The following RSF1 variants were observed in gnomAD, a reference collection of about 807,000 sequenced individuals.
RSF1 encodes the protein remodeling and spacing factor 1.
Under a neutral mutation model 145.2 loss-of-function variants are expected in RSF1, and 13 were observed. The ratio of observed to expected loss-of-function variants is 0.09; its 90% confidence interval spans 0.06 to 0.14. The LOEUF is 0.14. Ranked by LOEUF, RSF1 falls within the 10% of genes least tolerant of loss-of-function variation. The pLI is 1.00. For missense variants in RSF1, 1,517 were observed against 1,718.2 expected (o/e 0.88, Z 2.07); for synonymous variants, 577 against 592.6 (o/e 0.97, Z 0.38).
In RSF1 at chr11:77,701,953, T is replaced by C; in HGVS notation, c.1276A>G (p.Lys426Glu). The change falls in exon 6 of 16, where the codon AAA (lysine) becomes GAA (glutamate). Residue 426 changes from lysine (K) to glutamate (E), a missense_variant. Lys to Glu is a moderately conservative substitution (Grantham distance 56). Transcript: ENST00000308488. Reference sequence around the variant, plus strand: ...AAAGCAGTGATTGTAGAGATCCTTTTACAAGTCTCTTCCTCTTGTTTTATT... The same window carrying C: ...AAAGCAGTGATTGTAGAGATCCTTTCACAAGTCTCTTCCTCTTGTTTTATT... ...DEIKQEEETCKRISTITALGH... is the reference protein window; with the variant it reads ...DEIKQEEETCERISTITALGH... 2 of 1,613,744 alleles carry C rather than the reference T, an allele frequency of 1.2e-6. No individual in the cohort carries two copies. Among genetic ancestry groups the C allele is most frequent in the African/African-American group, 1.3e-5 (1 of 75,030 alleles).
chr11:77,789,148 ATG>A (rs1194703840), intron 1 of RSF1, among the ~76,000 whole-genome samples: 4 of 152,336 alleles, frequency 2.6e-5, no homozygotes, highest in Admixed American at 2.6e-4. Flanking sequence ...AAACTCCCCA[ATG>A]TGTTAAAAGG....
chr11:77,727,716 G>A (rs1961093107), intron 4 of RSF1, among the ~76,000 whole-genome samples: 1 of 152,118 alleles, frequency 6.6e-6, no homozygotes, highest in Non-Finnish European at 1.5e-5. Context: ...CTGACCTCAA[G>A]TGATCTGCCT....
rs1164144920 is a variant in RSF1 at position 77,808,667 on chromosome 11, G to A, written c.187+11861C>T. On this transcript the variant is annotated intron_variant, in intron 1 of 15. Transcript: ENST00000308488. ...TCCTGCCTCAGCCTCCCGAGTAGCTGGGACTACAGGCGCCCGCCACTACGC... is the reference window on the plus strand; with the variant it reads ...TCCTGCCTCAGCCTCCCGAGTAGCTAGGACTACAGGCGCCCGCCACTACGC... Among the ~76,000 whole-genome samples, 2 of 130,084 alleles carry A rather than the reference G, an allele frequency of 1.5e-5. 1 individual carries two copies. The highest frequency in any genetic ancestry group is 6.4e-5 in the African/African-American group (2 of 31,390). The allele number at this position is 130,084 out of a possible 152,430, so 85.3% of individuals were successfully genotyped here. A position where few individuals can be genotyped will look rare whatever the true frequency, so the allele number is the denominator to read the frequency against.
intron 1 of RSF1, among the ~76,000 whole-genome samples, chr11:77,796,064 T>C (rs1180458052): frequency 6.6e-6 from 1 of 152,206 alleles, no homozygotes; most frequent in Admixed American, 6.5e-5. Flanking sequence ...ATCCCCTATA[T>C]CGTTTCTTCT....
In RSF1 at chr11:77,691,323, GCT is replaced by G. The variant is rs1190371164; in HGVS notation, c.2821-87_2821-86del. On this transcript the variant is annotated intron_variant, in intron 8 of 15. Coordinates refer to ENST00000308488, the MANE Select transcript of RSF1 (RefSeq NM_016578.4). ...TACATGTTAACTTCATGGGTAGTGG[GCT>G]CTGAGAGCTGGTAAGGGACCACATA... 9 of 1,111,784 alleles carry G rather than the reference GCT, an allele frequency of 8.1e-6. No individual in the cohort carries two copies. The Admixed American group carries it at 1.5e-4, about 18-fold the overall frequency. 68.9% of individuals were successfully genotyped at this position (1,111,784 alleles called of 1,614,324 possible).
rs1341469645 is a variant in RSF1, at chr11:77,662,617, T to G, written c.*4300A>C. 2 of 152,138 alleles carry G rather than the reference T, an allele frequency of 1.3e-5. No homozygotes were observed. Among genetic ancestry groups the G allele is most frequent in the Non-Finnish European group, 2.9e-5 (2 of 68,024 alleles). 9.4% of individuals were successfully genotyped at this position (152,138 alleles called of 1,614,324 possible). ...ATATAGCAACTCAGTTTAAATACAT[T>G]GATAGCAAAAGGCTTTGACCTTAAG... On this transcript the variant is annotated 3_prime_UTR_variant, in exon 16 of 16. Coordinates refer to ENST00000308488, the MANE Select transcript of RSF1 (RefSeq NM_016578.4).
At chr11:77,788,496 TTAA>T (rs1402100143) in intron 1 of RSF1, among the ~76,000 whole-genome samples, 1 of 74,550 alleles carries the variant, frequency 1.3e-5, no homozygotes, top group Non-Finnish European at 2.8e-5. Flanking sequence ...AGAAGACAGG[TTAA>T]AAAAAAAAAA....
At chr11:77,840,819 G>A in the RSF1 span, among the ~76,000 whole-genome samples, 1 of 152,234 alleles carries the variant, frequency 6.6e-6, no homozygotes, top group East Asian at 1.9e-4. Flanking sequence ...GTAGGACAGT[G>A]TGGATGGCAT....
chr11:77,708,528 C>A (rs987046716), intron 5 of RSF1, among the ~76,000 whole-genome samples: 1 of 152,174 alleles, frequency 6.6e-6, no homozygotes, highest in East Asian at 1.9e-4. Flanking sequence ...CTAGCCCACT[C>A]AGAAAGAGTT....
At chr11:77,870,467 G>C in the RSF1 span, among the ~76,000 whole-genome samples, 1 of 149,732 alleles carries the variant, frequency 6.7e-6, no homozygotes, top group Non-Finnish European at 1.5e-5. Context: ...CTCCCGAGTA[G>C]CTGGGACTAC....
chr11:77,794,230 T>C (rs971083506), intron 1 of RSF1, among the ~76,000 whole-genome samples: 9 of 152,200 alleles, frequency 5.9e-5, no homozygotes, highest in Non-Finnish European at 1.2e-4. Flanking sequence ...AACTGCACAA[T>C]ACCTTCTTCT....
At chr11:77,678,418 T>C (rs1959771150) in intron 11 of RSF1, among the ~76,000 whole-genome samples, 1 of 152,100 alleles carries the variant, frequency 6.6e-6, no homozygotes, top group African/African-American at 2.4e-5. Flanking sequence ...GGTTTCATCA[T>C]GTTGGCCAGA....
At chr11:77,788,699 A>C (rs505182) in intron 1 of RSF1, among the ~76,000 whole-genome samples, 2 of 152,160 alleles carry the variant, frequency 1.3e-5, no homozygotes, top group Non-Finnish European at 2.9e-5. Context: ...TTAAACAAAA[A>C]GGAAAAAAAA....
intron 1 of RSF1, among the ~76,000 whole-genome samples, chr11:77,817,582 G>C (rs922311130): frequency 6.6e-6 from 1 of 152,120 alleles, no homozygotes; most frequent in African/African-American, 2.4e-5. Flanking sequence ...GGTGCAGTTT[G>C]GAAACCATGA....
the RSF1 span, chr11:77,841,162 C>G: frequency 4.3e-6 from 3 of 700,890 alleles, no homozygotes; most frequent in East Asian, 8.0e-5. Context: ...CCTACTACTC[C>G]TGCAATAACA....
intron 4 of RSF1, among the ~76,000 whole-genome samples, chr11:77,729,441 C>T (rs894665078): frequency 3.3e-5 from 5 of 151,956 alleles, no homozygotes; most frequent in African/African-American, 7.3e-5. Flanking sequence ...AAATGGAACA[C>T]GTCATCCTAA....
At chr11:77,763,327 G>C (rs560536710) in intron 2 of RSF1, 1 of 143,384 alleles carries the variant, frequency 7.0e-6, no homozygotes, top group East Asian at 2.0e-4. Flanking sequence ...GGGTGACAGA[G>C]TGAGACTGTC....
chr11:77,677,493 G>T (rs1157597139), intron 12 of RSF1, among the ~76,000 whole-genome samples: 5 of 152,128 alleles, frequency 3.3e-5, no homozygotes, highest in African/African-American at 1.2e-4. Flanking sequence ...GAATTCAGCA[G>T]CAAAAATGTA....
chr11:77,793,006 C>A (rs900021931), intron 1 of RSF1, among the ~76,000 whole-genome samples: 13 of 151,998 alleles, frequency 8.6e-5, no homozygotes, highest in African/African-American at 3.1e-4. Flanking sequence ...TCAAAAGGTA[C>A]CACGACATTA....
Sources: allele counts gnomAD v4.1 joint callset (sites outside exome capture counted in the v4.1 genomes callset), GRCh38; gene constraint gnomAD v4.1.1; transcripts MANE v1.5; gene names NCBI Gene and HGNC (gene_info 2026-07-23, HGNC 2026-07-21).